KCND3: variants seen among roughly 807,000 people sequenced by gnomAD.
The protein encoded by KCND3 is potassium voltage-gated channel subfamily D member 3.
In KCND3, 9 loss-of-function variants were observed where a neutral mutation model predicts 51.1. The observed-to-expected ratio is 0.18, with a 90% CI of 0.11 to 0.31. The LOEUF is 0.31. Ranked by LOEUF, KCND3 falls within the 10% of genes least tolerant of loss-of-function variation. KCND3 has a pLI of 1.00. For synonymous variants in KCND3, 349 were observed against 368.0 expected (o/e 0.95, Z 0.59); for missense variants, 526 against 903.8 (o/e 0.58, Z 5.36).
chr1:111,908,771 G>A (rs1670771285), intron 2 of KCND3, among the ~76,000 whole-genome samples: 1 of 152,056 alleles, frequency 6.6e-6, no homozygotes. Context: ...TCCTATCATA[G>A]AAAGGTCACC....
At chr1:111,778,307 A>T in intron 6 of KCND3, 129 bp downstream of exon 6, 1 of 861,114 alleles carries the variant, frequency 1.2e-6, no homozygotes, top group Non-Finnish European at 2.0e-6. Context: ...GTGACAGCAG[A>T]GGTAGGAGGA....
At chr1:111,798,185 A>G (rs1379367701) in intron 2 of KCND3, among the ~76,000 whole-genome samples, 2 of 151,962 alleles carry the variant, frequency 1.3e-5, no homozygotes, top group Non-Finnish European at 2.9e-5. Context: ...CCTTCTTTCT[A>G]TTGTCACATG....
rs1393773019 is a variant in KCND3, at chr1:111,805,510, T to C, written c.1107-18404A>G. Among the ~76,000 whole-genome samples the C allele has an allele frequency of 3.9e-5, 6 of 152,374 alleles. No individual in the cohort carries two copies. In the East Asian group the frequency reaches 7.7e-4, roughly 20 times the overall value. Reference sequence around the variant, plus strand: ...CAGACTGACACATACCCTGTGCATTTCAATGGCCTCCTGTGTGGACAGTAT... The same window carrying C: ...CAGACTGACACATACCCTGTGCATTCCAATGGCCTCCTGTGTGGACAGTAT... On this transcript the variant is annotated intron_variant, in intron 2 of 7. Transcript: ENST00000302127.
At chr1:111,837,650 C>T (rs567391577) in intron 2 of KCND3, among the ~76,000 whole-genome samples, 3 of 152,222 alleles carry the variant, frequency 2.0e-5, no homozygotes, top group African/African-American at 4.8e-5. Flanking sequence ...CAAGGGCCGT[C>T]GATGAAGCAT....
Position 111,982,230 on chromosome 1 carries a change from C to T in KCND3, c.497G>A (p.Arg166His). ...CTCGAAGGCCCGCCACATGGTCTGG[C>T]GGAAGCTGAGCGAGGGCATGGACTC... ...NQESMPSLSF[R>H]QTMWRAFENP... Residue 166 changes from arginine (R) to histidine (H), a missense_variant, in exon 2 of 8, where the codon CGC becomes CAC. Transcript: ENST00000302127. The surrounding 1 kb of genome is among the most constrained non-coding windows in gnomAD (Gnocchi z 8.5). 1 of 1,614,042 alleles carries T rather than the reference C, an allele frequency of 6.2e-7. No homozygotes were observed. Among genetic ancestry groups the T allele is most frequent in the Non-Finnish European group, 8.5e-7 (1 of 1,180,014 alleles).
In KCND3 at chr1:111,981,665, G is replaced by T. The variant is rs150934088; in HGVS notation, c.1062C>A (p.Ile354=). 2.3e-4 allele frequency: 375 copies of T among 1,614,060 alleles called. No homozygotes were observed. Among genetic ancestry groups the T allele is most frequent in the Non-Finnish European group, 3.1e-4 (369 of 1,180,040 alleles). Residue 354 remains isoleucine (I), a synonymous_variant, in exon 2 of 8, where the codon ATC becomes ATA. Coordinates refer to ENST00000302127, the MANE Select transcript of KCND3 (RefSeq NM_001378969.1). This position sits in a 1 kb window ranked among gnomAD's most constrained non-coding sequence, Gnocchi z 6.2. ...KGSSASKFTS[I]PASFWYTIVT... is the part of the protein sequence containing the mutation. Reference sequence around the variant, plus strand: ...CAATGGTGTACCAAAACGAGGCAGGGATGCTTGTGAACTTGCTGGCCGAGG... The same window carrying T: ...CAATGGTGTACCAAAACGAGGCAGGTATGCTTGTGAACTTGCTGGCCGAGG...
chr1:111,960,783 G>C (rs1673607589), intron 2 of KCND3, among the ~76,000 whole-genome samples: 1 of 152,238 alleles, frequency 6.6e-6, no homozygotes, highest in Admixed American at 6.5e-5. Context: ...TAAGTCCTCA[G>C]GGATGAGGGG....
Position 111,951,434 on chromosome 1 carries a change from T to G in KCND3, c.1106+30187A>C, listed in dbSNP as rs1047792069. 1.3e-5 allele frequency among the ~76,000 whole-genome samples: 2 copies of G among 152,118 alleles called. 1 individual carries two copies. The highest frequency in any genetic ancestry group is 4.1e-4 in the South Asian group (2 of 4,830). Reference sequence around the variant, plus strand: ...TAAAAGTTCCCAATTTCTTTAGAATTGGGAACTGCTTATAATCAGGAGAGT... The same window carrying G: ...TAAAAGTTCCCAATTTCTTTAGAATGGGGAACTGCTTATAATCAGGAGAGT... On this transcript the variant is annotated intron_variant, in intron 2 of 7. Coordinates refer to ENST00000302127, the MANE Select transcript of KCND3 (RefSeq NM_001378969.1).
chr1:111,799,930 C>T (rs1405957706), intron 2 of KCND3, among the ~76,000 whole-genome samples: 1 of 152,198 alleles, frequency 6.6e-6, no homozygotes, highest in Non-Finnish European at 1.5e-5. Context: ...AAATTGGGCC[C>T]CCCCGCCTGG....
At chr1:111,794,676 C>G (rs981304935) in intron 2 of KCND3, among the ~76,000 whole-genome samples, 1 of 152,174 alleles carries the variant, frequency 6.6e-6, no homozygotes, top group African/African-American at 2.4e-5. Flanking sequence ...GGGACTCAGA[C>G]CTCTGTGGCT....
At chr1:111,875,834 T>C (rs1015361078) in intron 2 of KCND3, among the ~76,000 whole-genome samples, 3 of 152,234 alleles carry the variant, frequency 2.0e-5, no homozygotes, top group African/African-American at 7.2e-5. Context: ...ACCACCAGGA[T>C]GGTATTTTTA....
intron 2 of KCND3, among the ~76,000 whole-genome samples, chr1:111,837,249 C>G (rs1219586935): frequency 6.6e-6 from 1 of 152,168 alleles, no homozygotes; most frequent in Non-Finnish European, 1.5e-5. Flanking sequence ...GTAACAGTTC[C>G]CAGGCCCAGT....
intron 2 of KCND3, among the ~76,000 whole-genome samples, chr1:111,827,291 T>G (rs1274624596): frequency 6.6e-6 from 1 of 152,152 alleles, no homozygotes; most frequent in Non-Finnish European, 1.5e-5. Context: ...GAAATACAAG[T>G]GCCAAGAGGA....
chr1:111,903,351 G>T (rs1275077465), intron 2 of KCND3, among the ~76,000 whole-genome samples: 2 of 152,190 alleles, frequency 1.3e-5, no homozygotes, highest in African/African-American at 2.4e-5. Context: ...CGGATGTAGT[G>T]GGGGAGGGAA....
At chr1:111,785,876 A>G (rs767195300) in intron 3 of KCND3, among the ~76,000 whole-genome samples, 1 of 152,176 alleles carries the variant, frequency 6.6e-6, no homozygotes, top group Non-Finnish European at 1.5e-5. Context: ...TGCAATGCAT[A>G]GGGCCGACCA....
intron 2 of KCND3, among the ~76,000 whole-genome samples, chr1:111,823,889 G>C (rs1367046545): frequency 6.6e-6 from 1 of 152,036 alleles, no homozygotes; most frequent in East Asian, 1.9e-4. Flanking sequence ...ACACTAATAT[G>C]GTTGCACTAG....
At chr1:111,791,479 G>A (rs1268118778) in intron 2 of KCND3, among the ~76,000 whole-genome samples, 2 of 152,250 alleles carry the variant, frequency 1.3e-5, no homozygotes, top group Non-Finnish European at 2.9e-5. Context: ...GGAAAAGACA[G>A]TGATGGAGCT....
At chr1:111,792,690 C>T (rs183418699) in intron 2 of KCND3, among the ~76,000 whole-genome samples, 1 of 152,172 alleles carries the variant, frequency 6.6e-6, no homozygotes, top group East Asian at 1.9e-4. Flanking sequence ...ATTAATAGTA[C>T]CTACGTCACA....
intron 2 of KCND3, among the ~76,000 whole-genome samples, chr1:111,893,152 T>C (rs921240904): frequency 1.3e-5 from 2 of 152,104 alleles, no homozygotes; most frequent in Non-Finnish European, 2.9e-5. Flanking sequence ...AAGTGGGAGA[T>C]AGACAGGTAA....
Sources: gnomAD v4.1 joint callset for allele counts (sites outside exome capture counted in the v4.1 genomes callset) on GRCh38, gnomAD v4.1.1 for gene constraint, Gnocchi (gnomAD v3.1) non-coding constraint, MANE v1.5 for transcripts, NCBI Gene and HGNC (gene_info 2026-07-23, HGNC 2026-07-21) for gene names.